Variants in ERP27 observed in about 807,000 individuals in gnomAD.
The protein encoded by ERP27 is endoplasmic reticulum resident protein 27.
A neutral mutation model predicts 27.7 loss-of-function variants in ERP27; 23 were observed. The observed-to-expected ratio is 0.83, with a 90% CI of 0.60 to 1.18. ERP27 has a LOEUF of 1.18. Ranked by LOEUF, ERP27 falls within the 50% of genes most tolerant of loss-of-function variation. ERP27 has a pLI of 0.00. For synonymous variants in ERP27, 159 were observed against 118.3 expected (o/e 1.34, Z -2.23); for missense variants, 363 against 327.9 (o/e 1.11, Z -0.83).
chr12:14,928,578 T>C (rs896458828), intron 3 of ERP27, among the ~76,000 whole-genome samples: 10 of 152,254 alleles, frequency 6.6e-5, no homozygotes, highest in Non-Finnish European at 2.9e-5. Flanking sequence ...GATGACAATT[T>C]AAGCACTCTT....
At chr12:14,921,627 A>G (rs1357579731) in intron 3 of ERP27, among the ~76,000 whole-genome samples, 10 of 152,232 alleles carry the variant, frequency 6.6e-5, no homozygotes, top group Non-Finnish European at 1.5e-4. Flanking sequence ...ACTGTGAAAT[A>G]AAACACATGT....
Position 14,914,746 on chromosome 12 carries a change from C to A in ERP27, c.811G>T (p.Val271Leu), listed in dbSNP as rs150477287. ...GTTCCAAGGAGAAGTCAGAGTTCCA[C>A]CTTTGGAGTCTTTCCTTCTGATTCA... ...NRESEGKTPK[V>L]EL Residue 271 changes from valine to leucine, a missense_variant, in exon 7 of 7, where the codon GTG (valine) becomes TTG (leucine). Coordinates refer to ENST00000266397, the MANE Select transcript of ERP27 (RefSeq NM_152321.4). 5.0e-5 allele frequency: 81 copies of A among 1,613,756 alleles called. No homozygotes were observed. In the African/African-American group the frequency reaches 1.0e-3, roughly 20 times the overall value.
At chr12:14,924,317 A>T (rs1202066971) in intron 3 of ERP27, among the ~76,000 whole-genome samples, 1 of 152,220 alleles carries the variant, frequency 6.6e-6, no homozygotes, top group Admixed American at 6.5e-5. Context: ...GGTTATTGTG[A>T]ATAGTGCTGC....
In ERP27 at chr12:14,914,616, G is replaced by A; in HGVS notation, c.*119C>T. 1.2e-6 allele frequency: 1 copy of A among 806,296 alleles called. No individual in the cohort carries two copies. Among genetic ancestry groups the A allele is most frequent in the East Asian group, 2.5e-5 (1 of 40,048 alleles). The allele number at this position is 806,296 out of a possible 1,614,324, so 49.9% of individuals were successfully genotyped here. Reference sequence around the variant, plus strand: ...CACGCGTGCGTGCGTGTGTGCACGTGCGTGTGTGTGTGGTTGGCAGGCCTA... The same window carrying A: ...CACGCGTGCGTGCGTGTGTGCACGTACGTGTGTGTGTGGTTGGCAGGCCTA... On this transcript the variant is annotated 3_prime_UTR_variant, in exon 7 of 7. Coordinates refer to ENST00000266397, the MANE Select transcript of ERP27 (RefSeq NM_152321.4).
At chr12:14,924,918 G>A (rs1294690998) in intron 3 of ERP27, among the ~76,000 whole-genome samples, 2 of 152,220 alleles carry the variant, frequency 1.3e-5, no homozygotes, top group African/African-American at 2.4e-5. Flanking sequence ...ACCTCTGGTC[G>A]TCGTCCCTGT....
chr12:14,928,989 T>C (rs1863656049), intron 3 of ERP27: 2 of 1,535,366 alleles, frequency 1.3e-6, no homozygotes, highest in Non-Finnish European at 1.7e-6. Context: ...AAGGCTTTGC[T>C]ATTGCAACCA....
chr12:14,921,045 C>T lies in ERP27; in HGVS notation c.337G>A (p.Asp113Asn), dbSNP rs768211718. 3.1e-6 allele frequency: 5 copies of T among 1,612,378 alleles called. No individual in the cohort carries two copies. The highest frequency in any genetic ancestry group is 2.2e-5 in the East Asian group (1 of 44,860). Residue 113 changes from aspartate to asparagine, a missense_variant, in exon 4 of 7, where the codon GAC becomes AAC. Asp to Asn is a conservative substitution (Grantham distance 23). Coordinates refer to ENST00000266397, the MANE Select transcript of ERP27 (RefSeq NM_152321.4). ...TCCTCTAAATTCAGTTGTTCATTGT[C>T]TACCTGGATAACACAAAAAAGAATG... The part of the protein sequence containing the change: ...GNTICLFRLV[D>N]NEQLNLEDED...
intron 5 of ERP27, among the ~76,000 whole-genome samples, chr12:14,916,359 G>A (rs991501458): frequency 2.6e-5 from 4 of 152,088 alleles, no homozygotes; most frequent in South Asian, 2.1e-4. Flanking sequence ...CTCTAGTTAC[G>A]TGAGTTTGGG....
At chr12:14,917,411 G>T in intron 4 of ERP27, 108 bp from the exon 5 acceptor site, 1 of 1,459,234 alleles carries the variant, frequency 6.9e-7, no homozygotes, top group Non-Finnish European at 9.4e-7. Flanking sequence ...CTGGCCACTG[G>T]TAACACAAAT....
intron 4 of ERP27, among the ~76,000 whole-genome samples, chr12:14,919,687 G>C (rs1863469860): frequency 6.6e-6 from 1 of 152,150 alleles, no homozygotes; most frequent in African/African-American, 2.4e-5. Flanking sequence ...TCATAAAAAA[G>C]CAAGGGCAAC....
At chr12:14,921,100 T>C in intron 3 of ERP27, 52 bp from the exon 4 acceptor site, 2 of 1,459,224 alleles carry the variant, frequency 1.4e-6, no homozygotes, top group Non-Finnish European at 1.9e-6. Context: ...TTTTCATGTA[T>C]TGATAAACGT....
intron 4 of ERP27, among the ~76,000 whole-genome samples, chr12:14,920,214 G>A (rs1863479744): frequency 6.6e-6 from 1 of 152,222 alleles, no homozygotes. Context: ...ATCAGGACAG[G>A]TGGAGCACCA....
intron 4 of ERP27, among the ~76,000 whole-genome samples, chr12:14,917,992 C>G (rs962917435): frequency 1.3e-5 from 2 of 152,218 alleles, no homozygotes; most frequent in Non-Finnish European, 2.9e-5. Context: ...AGCCCCCTCT[C>G]TTGTTGCAAG....
Position 14,914,574 on chromosome 12 carries a change from G to C in ERP27, c.*161C>G, listed in dbSNP as rs576252431. 1 of 556,774 alleles carries C rather than the reference G, an allele frequency of 1.8e-6. No individual in the cohort carries two copies. 34.5% of individuals were successfully genotyped at this position (556,774 alleles called of 1,614,324 possible). A position where few individuals can be genotyped will look rare whatever the true frequency, so the allele number is the denominator to read the frequency against. On this transcript the variant is annotated 3_prime_UTR_variant, in exon 7 of 7. Coordinates refer to ENST00000266397, the MANE Select transcript of ERP27 (RefSeq NM_152321.4). The stretch of plus-strand genomic sequence containing the variant: ...AATGAAGCTCTGTGTGTGTGTGTGT[G>C]TGTGCGTGTGTGTGTGCACGCGTGC...
chr12:14,936,260 G>A (rs1863771796), intron 2 of ERP27, among the ~76,000 whole-genome samples: 1 of 152,162 alleles, frequency 6.6e-6, no homozygotes. Context: ...GTTTATGCAG[G>A]TTATGGAAGG....
At chr12:14,920,348 A>G (rs1345251055) in intron 4 of ERP27, among the ~76,000 whole-genome samples, 5 of 152,232 alleles carry the variant, frequency 3.3e-5, no homozygotes, top group Non-Finnish European at 7.3e-5. Context: ...CTGCCAGACC[A>G]GGAACTGTTT....
In ERP27 at chr12:14,915,572, C is replaced by T. The variant is rs529161868; in HGVS notation, c.691G>A (p.Glu231Lys). The change falls in exon 6 of 7, where the codon GAG becomes AAG. Residue 231 changes from glutamate (E) to lysine (K), a missense_variant. Transcript: ENST00000266397. ...TCTGCTGTGGGCAGTGTATCCCACT[C>T]GTCATCTAGAGTCTGGTAAATTGCC... Reference protein sequence around the residue: ...ALAIYQTLDDEWDTLPTAEVS... With the variant: ...ALAIYQTLDDKWDTLPTAEVS... 1.5e-5 allele frequency: 25 copies of T among 1,614,068 alleles called. No individual in the cohort carries two copies. The highest frequency in any genetic ancestry group is 1.3e-4 in the Admixed American group (8 of 60,006).
Position 14,934,859 on chromosome 12 carries a change from G to A in ERP27, c.330C>T (p.Arg110=), listed in dbSNP as rs368806836. The change falls in exon 3 of 7, where the codon CGC becomes CGT. Residue 110 remains arginine (R), a synonymous_variant. Coordinates refer to ENST00000266397, the MANE Select transcript of ERP27 (RefSeq NM_152321.4). The part of the protein sequence containing the change: ...NITGNTICLF[R]LVDNEQLNLE... ...TCAAGCTACCCACCCAACTTACCAG[G>A]CGAAAGAGGCAGATGGTGTTCCCAG... The A allele has an allele frequency of 2.4e-5, 39 of 1,613,864 alleles. No individual in the cohort carries two copies. The Admixed American group carries it at 5.8e-4, about 24-fold the overall frequency.
intron 3 of ERP27, among the ~76,000 whole-genome samples, chr12:14,923,875 T>G (rs1232001498): frequency 6.6e-6 from 1 of 152,216 alleles, no homozygotes; most frequent in African/African-American, 2.4e-5. Flanking sequence ...TCCTTTCTTG[T>G]AGCTATTATT....
Sources: allele counts gnomAD v4.1 joint callset (sites outside exome capture counted in the v4.1 genomes callset), GRCh38; gene constraint gnomAD v4.1.1; transcripts MANE v1.5; gene names NCBI Gene and HGNC (gene_info 2026-07-23, HGNC 2026-07-21).